Variants in CLSTN2 observed in about 807,000 individuals in gnomAD.
The protein encoded by CLSTN2 is calsyntenin 2, also known as calsyntenin-2.
CLSTN2 carries 48 observed loss-of-function variants against 101.2 expected under a neutral mutation model. The observed-to-expected ratio is 0.47, with a 90% CI of 0.38 to 0.60. CLSTN2 has a LOEUF of 0.60. Among genes scored for constraint, CLSTN2 ranks in the 20% least tolerant of loss-of-function variants. CLSTN2 has a pLI of 0.00. For synonymous variants in CLSTN2, 481 were observed against 463.6 expected (o/e 1.04, Z -0.48); for missense variants, 1,160 against 1,238.2 (o/e 0.94, Z 0.95).
intron 1 of CLSTN2, among the ~76,000 whole-genome samples, chr3:140,000,027 G>A (rs182767693): frequency 0.016 from 1,945 of 120,370 alleles, 44 homozygotes; most frequent in African/African-American, 0.055. Context: ...CCCTCCCTCC[G>A]TCTTTTCCTT....
intron 8 of CLSTN2, among the ~76,000 whole-genome samples, chr3:140,500,394 A>C (rs1291615877): frequency 6.6e-6 from 1 of 152,224 alleles, no homozygotes. Context: ...AGGGAAGGAC[A>C]AACTTTCTGA....
At chr3:140,272,820 G>A (rs1559825382) in intron 2 of CLSTN2, among the ~76,000 whole-genome samples, 1 of 152,068 alleles carries the variant, frequency 6.6e-6, no homozygotes, top group Non-Finnish European at 1.5e-5. Flanking sequence ...ACACCTCATT[G>A]TATTGATTAC....
intron 1 of CLSTN2, among the ~76,000 whole-genome samples, chr3:139,982,988 G>GTATA (rs5852962): frequency 6.7e-6 from 1 of 149,160 alleles, no homozygotes; most frequent in Non-Finnish European, 1.5e-5. Flanking sequence ...TATATATAGT[G>GTATA]TATATATATA....
chr3:140,158,673 G>GA lies in CLSTN2; in HGVS notation c.110-17271dup, dbSNP rs1157862162. Among the ~76,000 whole-genome samples, 3 of 152,006 alleles carry GA rather than the reference G, an allele frequency of 2.0e-5. No homozygotes were observed. In the East Asian group the frequency reaches 5.8e-4, roughly 29 times the overall value. ...ACCAATGTCATTTTTCACAGAATCG[G>GA]AAAAAAAGACTCTAAAATTTATATG... On this transcript the variant is annotated intron_variant, in intron 1 of 16. Transcript: ENST00000458420.
At chr3:140,362,536 C>G (rs1193008246) in intron 2 of CLSTN2, among the ~76,000 whole-genome samples, 2 of 151,954 alleles carry the variant, frequency 1.3e-5, no homozygotes, top group African/African-American at 4.8e-5. Context: ...AAACAACAGA[C>G]TTGGAGAAAA....
intron 1 of CLSTN2, among the ~76,000 whole-genome samples, chr3:140,086,804 C>T (rs2008690618): frequency 6.6e-6 from 1 of 152,184 alleles, no homozygotes; most frequent in South Asian, 2.1e-4. Context: ...TCAGGCATTG[C>T]TCCAATTCTG....
At chr3:140,455,796 C>G (rs541990550) in intron 6 of CLSTN2, among the ~76,000 whole-genome samples, 1 of 152,230 alleles carries the variant, frequency 6.6e-6, no homozygotes, top group Non-Finnish European at 1.5e-5. Flanking sequence ...TAAATCTTCT[C>G]AGTTTGTTTA....
intron 1 of CLSTN2, among the ~76,000 whole-genome samples, chr3:140,046,335 C>A (rs2007880049): frequency 6.6e-6 from 1 of 152,106 alleles, no homozygotes; most frequent in Non-Finnish European, 1.5e-5. Context: ...AGGATTGCAA[C>A]CCCTGCCTTT....
chr3:139,998,335 C>CTTTTTTTTTTTTTT (rs1290360293), intron 1 of CLSTN2, among the ~76,000 whole-genome samples: 4 of 20,426 alleles, frequency 2.0e-4, no homozygotes, highest in Non-Finnish European at 3.1e-4. Flanking sequence ...CCCCCACATG[C>CTTTTTTTTTTTTTT]CTTTTTTTTT....
chr3:140,241,871 A>G (rs1465710782), intron 2 of CLSTN2, among the ~76,000 whole-genome samples: 2 of 58,752 alleles, frequency 3.4e-5, no homozygotes, highest in African/African-American at 1.1e-4. Flanking sequence ...ATATATACAC[A>G]TATATATATA....
Position 140,315,935 on chromosome 3 carries a change from A to G in CLSTN2, c.233-87694A>G, listed in dbSNP as rs1373348625. On this transcript the variant is annotated intron_variant, in intron 2 of 16. Coordinates refer to ENST00000458420, the MANE Select transcript of CLSTN2 (RefSeq NM_022131.3). ...AGATGGTTTCTGTCTCTCCAAGGCA[A>G]TTGATCAGAGAGAGGGGAGCTTAGT... Among the ~76,000 whole-genome samples, 5 of 152,176 alleles carry G rather than the reference A, an allele frequency of 3.3e-5. No homozygotes were observed. In the South Asian group the frequency reaches 6.2e-4, roughly 19 times the overall value.
At chr3:140,272,108 A>G (rs1318540011) in intron 2 of CLSTN2, among the ~76,000 whole-genome samples, 1 of 152,212 alleles carries the variant, frequency 6.6e-6, no homozygotes. Context: ...AATACAAGAA[A>G]GAAGCTGGAT....
chr3:139,977,778 G>A (rs1484260527), intron 1 of CLSTN2, among the ~76,000 whole-genome samples: 1 of 152,208 alleles, frequency 6.6e-6, no homozygotes, highest in Non-Finnish European at 1.5e-5. Flanking sequence ...GCTTAGCATA[G>A]AACAGACCTG....
chr3:140,268,179 G>C (rs1032767640), intron 2 of CLSTN2, among the ~76,000 whole-genome samples: 10 of 152,096 alleles, frequency 6.6e-5, no homozygotes, highest in African/African-American at 2.4e-4. Flanking sequence ...ATGACTCTGA[G>C]ACCCAATAAG....
intron 1 of CLSTN2, among the ~76,000 whole-genome samples, chr3:140,096,912 CT>C (rs2008878289): frequency 1.3e-5 from 2 of 152,174 alleles, no homozygotes; most frequent in African/African-American, 4.8e-5. Context: ...TAGCCACAGC[CT>C]TGGTGTAGCC....
At chr3:140,504,143 C>G (rs1353620475) in intron 8 of CLSTN2, among the ~76,000 whole-genome samples, 1 of 152,178 alleles carries the variant, frequency 6.6e-6, no homozygotes, top group Non-Finnish European at 1.5e-5. Context: ...GAGGCTCCAG[C>G]TCTTAGCTTT....
rs75763274 is a variant in CLSTN2, at chr3:140,532,109, G to A, written c.1345-215G>A. Among the ~76,000 whole-genome samples the A allele has an allele frequency of 1.8e-4, 28 of 152,156 alleles. No individual in the cohort carries two copies. The East Asian group carries it at 2.7e-3, about 15-fold the overall frequency. On this transcript the variant is annotated intron_variant, in intron 8 of 16. Coordinates refer to ENST00000458420, the MANE Select transcript of CLSTN2 (RefSeq NM_022131.3). ...CATCATCCACTATCTGCCTGATATC[G>A]GATTCTTGGGTGTTTCTCTTTCCCA...
chr3:140,499,909 C>CA (rs1027111250), intron 8 of CLSTN2, among the ~76,000 whole-genome samples: 6 of 151,552 alleles, frequency 4.0e-5, no homozygotes, highest in East Asian at 1.9e-4. Flanking sequence ...CTAAAAAATA[C>CA]AAAAAAAATT....
intron 2 of CLSTN2, among the ~76,000 whole-genome samples, chr3:140,346,698 C>A (rs1576525752): frequency 6.6e-6 from 1 of 152,188 alleles, no homozygotes; most frequent in Admixed American, 6.5e-5. Flanking sequence ...TCAGCCTCTC[C>A]CTTTCCATAG....
Sources: allele counts gnomAD v4.1 joint callset (sites outside exome capture counted in the v4.1 genomes callset), GRCh38; gene constraint gnomAD v4.1.1; transcripts MANE v1.5; gene names NCBI Gene and HGNC (gene_info 2026-07-23, HGNC 2026-07-21).